CHRNB3: variants seen among roughly 807,000 people sequenced by gnomAD.
CHRNB3 encodes the protein neuronal acetylcholine receptor subunit beta-3.
A neutral mutation model predicts 40.6 loss-of-function variants in CHRNB3; 37 were observed. That is an observed-to-expected ratio of 0.91 (90% CI 0.70 to 1.20). CHRNB3 has a LOEUF of 1.20. Among genes scored for constraint, CHRNB3 ranks in the 50% most tolerant of loss-of-function variants. The pLI, the probability that CHRNB3 is intolerant of heterozygous loss-of-function variation, is 0.00. For synonymous variants in CHRNB3, 207 were observed against 207.1 expected, an observed-to-expected ratio of 1.00 and a Z score of 0.00; for missense variants, 505 against 551.2, an observed-to-expected ratio of 0.92 and a Z score of 0.84.
chr8:42,722,791 C>T (rs962741553), intron 3 of CHRNB3, among the ~76,000 whole-genome samples: 8 of 152,094 alleles, frequency 5.3e-5, no homozygotes, highest in African/African-American at 1.4e-4. Context: ...TGGTCTCAAA[C>T]TCTTGGGCTG....
chr8:42,717,265 T>C (rs1164150552), intron 3 of CHRNB3, among the ~76,000 whole-genome samples: 2 of 134,446 alleles, frequency 1.5e-5, no homozygotes, highest in East Asian at 2.1e-4. Flanking sequence ...TCCCAGCTAC[T>C]TGGGAGGCTG....
In CHRNB3 at chr8:42,730,631, A is replaced by AT. The variant is rs1358487240; in HGVS notation, c.289dup (p.Tyr97LeufsTer8). On this transcript the variant is annotated frameshift_variant, in exon 4 of 6. Coordinates refer to ENST00000289957, the MANE Select transcript of CHRNB3 (RefSeq NM_000749.5). LOFTEE classifies it high-confidence loss of function. ...CACAAGTTACGCTGGAATCCTGATGATTATGGTGGGATCCATTCCATTAAA... is the reference window on the plus strand; with the variant it reads ...CACAAGTTACGCTGGAATCCTGATGATTTATGGTGGGATCCATTCCATTAAA... 2.5e-6 allele frequency: 4 copies of AT among 1,608,810 alleles called. No homozygotes were observed. Among genetic ancestry groups the AT allele is most frequent in the Non-Finnish European group, 3.4e-6 (4 of 1,176,868 alleles).
At chr8:42,705,841 A>G (rs1472602903) in intron 1 of CHRNB3, 1 of 152,180 alleles carries the variant, frequency 6.6e-6, no homozygotes, top group African/African-American at 2.4e-5. Context: ...CCCTCAGTAA[A>G]ACAAAGTCCA....
chr8:42,732,441 G>A lies in CHRNB3; in HGVS notation c.1134G>A (p.Gln378=), dbSNP rs907112820. ...VKGKVLEKKK[Q]KQLSDGEKVL... is the part of the protein sequence containing the mutation. Reference sequence around the variant, plus strand: ...GCAAAGTCCTCGAAAAAAAGAAACAGAAACAGCTTAGTGATGGAGAAAAAG... The same window carrying A: ...GCAAAGTCCTCGAAAAAAAGAAACAAAAACAGCTTAGTGATGGAGAAAAAG... The change falls in exon 5 of 6, where the codon CAG becomes CAA. Residue 378 remains glutamine (Q), a synonymous_variant. Coordinates refer to ENST00000289957, the MANE Select transcript of CHRNB3 (RefSeq NM_000749.5). 3.7e-6 allele frequency: 6 copies of A among 1,613,920 alleles called. No homozygotes were observed. The highest frequency in any genetic ancestry group is 1.7e-5 in the Admixed American group (1 of 59,964).
At position 42,732,370 on chromosome 8, in the gene CHRNB3, C is replaced by T. The variant is rs746856425; in HGVS notation, c.1063C>T (p.Arg355Cys). 2.7e-5 allele frequency: 43 copies of T among 1,611,136 alleles called. No homozygotes were observed. In the East Asian group the frequency reaches 5.8e-4, roughly 22 times the overall value. Residue 355 changes from arginine (R) to cysteine (C), a missense_variant, in exon 5 of 6, where the codon CGC becomes TGC. Arg to Cys is a radical substitution (Grantham distance 180). Transcript: ENST00000289957. Reference sequence around the variant, plus strand: ...ACTTTGCATGAAAGATCATGTGGATCGCTACTCATCCCCAGAGAAAGAGGA... The same window carrying T: ...ACTTTGCATGAAAGATCATGTGGATTGCTACTCATCCCCAGAGAAAGAGGA... ...KLLCMKDHVD[R>C]YSSPEKEESQ... is the part of the protein sequence containing the mutation.
chr8:42,710,428 CAAACAGGT>C lies in CHRNB3; in HGVS notation c.247_249+5del, dbSNP rs1406487868. The C allele has an allele frequency of 1.9e-6, 3 of 1,609,826 alleles. No homozygotes were observed. The highest frequency in any genetic ancestry group is 2.5e-6 in the Non-Finnish European group (3 of 1,177,990). ...AGCTGATGACAACCAATGTGTGGCTCAAACAGGTAAATTTCAATCCAAGGATTGTGTCT... is the reference window on the plus strand; with the variant it reads ...AGCTGATGACAACCAATGTGTGGCTCAAATTTCAATCCAAGGATTGTGTCT... On this transcript the variant is annotated splice_donor_variant and coding_sequence_variant, in exon 3 of 6. Coordinates refer to ENST00000289957, the MANE Select transcript of CHRNB3 (RefSeq NM_000749.5). LOFTEE classifies it high-confidence loss of function.
intron 3 of CHRNB3, among the ~76,000 whole-genome samples, chr8:42,718,324 C>A (rs1414126063): frequency 2.0e-5 from 3 of 152,080 alleles, no homozygotes; most frequent in African/African-American, 7.3e-5. Context: ...AAGACAACAG[C>A]AAAGGATATT....
intron 1 of CHRNB3, among the ~76,000 whole-genome samples, chr8:42,705,053 A>G (rs1206390118): frequency 2.6e-5 from 4 of 152,188 alleles, no homozygotes; most frequent in Admixed American, 6.5e-5. Flanking sequence ...TTCAAGACAG[A>G]TAAGTGGCCA....
Position 42,731,875 on chromosome 8 carries a change from G to A in CHRNB3, c.568G>A (p.Val190Ile), listed in dbSNP as rs1816429754. ...TGACCTCATTTTGATCAATGAAAAT[G>A]TCGACAGAAAAGACTTCTTCGATAA... is the stretch of plus-strand genomic sequence containing the variant. Reference protein sequence around the residue: ...MVDLILINENVDRKDFFDNGE... With the variant: ...MVDLILINENIDRKDFFDNGE... Residue 190 changes from valine to isoleucine, a missense_variant, in exon 5 of 6, where the codon GTC becomes ATC. Coordinates refer to ENST00000289957, the MANE Select transcript of CHRNB3 (RefSeq NM_000749.5). 1 of 1,614,142 alleles carries A rather than the reference G, an allele frequency of 6.2e-7. No individual in the cohort carries two copies. The highest frequency in any genetic ancestry group is 2.2e-5 in the East Asian group (1 of 44,886).
At position 42,697,382 on chromosome 8, in the gene CHRNB3, G is replaced by A. The variant is rs192526511; in HGVS notation, c.-165G>A. 2.2e-5 allele frequency: 13 copies of A among 590,014 alleles called. No individual in the cohort carries two copies. Among genetic ancestry groups the A allele is most frequent in the African/African-American group, 1.1e-4 (6 of 54,248 alleles). The allele number at this position is 590,014 out of a possible 1,614,324, so 36.5% of individuals were successfully genotyped here. The stretch of plus-strand genomic sequence containing the variant: ...GTGCACTTTGAGAAGCGGCACACTC[G>A]GCGAGAGGGGTTGAGATTGTTTTAT... On this transcript the variant is annotated 5_prime_UTR_variant, in exon 1 of 6. Transcript: ENST00000289957.
chr8:42,723,388 C>A (rs544354632), intron 3 of CHRNB3, among the ~76,000 whole-genome samples: 47 of 152,150 alleles, frequency 3.1e-4, no homozygotes, highest in Middle Eastern at 3.4e-3. Context: ...TGCTGTTTAG[C>A]CTGAGTACAC....
chr8:42,722,267 G>A (rs62518209), intron 3 of CHRNB3, among the ~76,000 whole-genome samples: 8,701 of 152,044 alleles, frequency 0.057, 331 homozygotes, highest in Middle Eastern at 0.11. Context: ...GGAGAGGCTG[G>A]GGCAGGAGAA....
At chr8:42,725,175 C>T (rs1209988389) in intron 3 of CHRNB3, among the ~76,000 whole-genome samples, 2 of 150,436 alleles carry the variant, frequency 1.3e-5, no homozygotes, top group Non-Finnish European at 3.0e-5. Context: ...CCGCAACCTC[C>T]ACCTCCAGGG....
At chr8:42,714,566 T>TGAAAA (rs1816069821) in intron 3 of CHRNB3, among the ~76,000 whole-genome samples, 1 of 151,718 alleles carries the variant, frequency 6.6e-6, no homozygotes, top group African/African-American at 2.4e-5. Context: ...AAAAAAACCA[T>TGAAAA]GAAAAGAAAA....
Position 42,732,184 on chromosome 8 carries a change from A to G in CHRNB3, c.877A>G (p.Ile293Val), listed in dbSNP as rs771959250. 5 of 1,609,560 alleles carry G rather than the reference A, an allele frequency of 3.1e-6. 1 individual carries two copies. In the Admixed American group the frequency reaches 8.5e-5, roughly 27 times the overall value. The change falls in exon 5 of 6, where the codon ATT becomes GTT. Residue 293 changes from isoleucine to valine, a missense_variant. Coordinates refer to ENST00000289957, the MANE Select transcript of CHRNB3 (RefSeq NM_000749.5). Reference sequence around the variant, plus strand: ...AATCATCCCATCGTCTTCCAAAGTCATTCCTCTCATTGGAGAGTACCTGCT... The same window carrying G: ...AATCATCCCATCGTCTTCCAAAGTCGTTCCTCTCATTGGAGAGTACCTGCT... ...EEIIPSSSKVIPLIGEYLLFI... is the reference protein window; with the variant it reads ...EEIIPSSSKVVPLIGEYLLFI...
intron 3 of CHRNB3, among the ~76,000 whole-genome samples, chr8:42,726,516 G>A (rs1055419576): frequency 1.1e-4 from 15 of 140,076 alleles, no homozygotes; most frequent in African/African-American, 4.1e-4. Flanking sequence ...GTCTAGCTCT[G>A]TCATCCAGAG....
At chr8:42,699,253 T>C (rs951163392) in intron 1 of CHRNB3, among the ~76,000 whole-genome samples, 12 of 152,358 alleles carry the variant, frequency 7.9e-5, no homozygotes, top group African/African-American at 2.9e-4. Context: ...GGGTTGTCTC[T>C]CATATTGCTA....
Position 42,708,786 on chromosome 8 carries a change from A to G in CHRNB3, c.122A>G (p.Gln41Arg). The G allele has an allele frequency of 3.7e-6, 6 of 1,614,200 alleles. No homozygotes were observed. The highest frequency in any genetic ancestry group is 5.1e-6 in the Non-Finnish European group (6 of 1,180,014). ...CTCAGACATTTGTTCCAAGGTTATC[A>G]GAAATGGGTCCGCCCTGTATTACAT... ...ALLRHLFQGY[Q>R]KWVRPVLHSN... The change falls in exon 2 of 6, where the codon CAG becomes CGG. Residue 41 changes from glutamine to arginine, a missense_variant. By Grantham distance (43) the Gln-to-Arg change is conservative (BLOSUM62 1). Coordinates refer to ENST00000289957, the MANE Select transcript of CHRNB3 (RefSeq NM_000749.5).
At chr8:42,727,789 G>A (rs534173686) in intron 3 of CHRNB3, among the ~76,000 whole-genome samples, 5 of 152,086 alleles carry the variant, frequency 3.3e-5, no homozygotes, top group Non-Finnish European at 5.9e-5. Flanking sequence ...CTTGAACCCA[G>A]GAGGCAGAGG....
Sources: allele counts gnomAD v4.1 joint callset (sites outside exome capture counted in the v4.1 genomes callset), GRCh38; gene constraint gnomAD v4.1.1; transcripts MANE v1.5; gene names NCBI Gene and HGNC (gene_info 2026-07-23, HGNC 2026-07-21).